The following CFAP54 variants were observed in gnomAD, a reference collection of about 807,000 sequenced individuals.
CFAP54 encodes the protein cilia and flagella associated protein 54.
In CFAP54, 290 loss-of-function variants were observed where a neutral mutation model predicts 370.4. The observed-to-expected ratio is 0.78, with a 90% CI of 0.71 to 0.86. The LOEUF is 0.86. CFAP54 is among the 40% of genes least tolerant of loss of function. The probability of loss-of-function intolerance (pLI) is 0.00; values close to 1 mark genes in which losing one functional copy is unlikely to be tolerated. For missense variants in CFAP54, 3,399 were observed against 3,528.7 expected, an observed-to-expected ratio of 0.96 and a Z score of 0.93; for synonymous variants, 1,206 against 1,236.5, an observed-to-expected ratio of 0.98 and a Z score of 0.52.
At chr12:96,794,857 T>C (rs1334400699) in intron 63 of CFAP54, among the ~76,000 whole-genome samples, 2 of 152,156 alleles carry the variant, frequency 1.3e-5, no homozygotes, top group African/African-American at 4.8e-5. Context: ...TTTCTTCTCA[T>C]TTGGGTAGAC....
chr12:96,618,109 T>G (rs1471228840), intron 26 of CFAP54, among the ~76,000 whole-genome samples: 1 of 151,730 alleles, frequency 6.6e-6, no homozygotes, highest in Non-Finnish European at 1.5e-5. Flanking sequence ...CAGGTTACAC[T>G]CTCTTTCCAG....
intron 20 of CFAP54, among the ~76,000 whole-genome samples, chr12:96,577,299 G>T (rs17376727): frequency 0.085 from 12,901 of 152,202 alleles, 716 homozygotes; most frequent in Middle Eastern, 0.14. Flanking sequence ...TTTATTGGAA[G>T]GTGAGCTTTT....
intron 51 of CFAP54, among the ~76,000 whole-genome samples, chr12:96,741,005 T>C (rs2136640536): frequency 6.6e-6 from 1 of 152,328 alleles, no homozygotes; most frequent in East Asian, 1.9e-4. Flanking sequence ...ATGTGACCTA[T>C]CTTTTCATTA....
chr12:96,628,507 G>A (rs939918956), intron 30 of CFAP54, among the ~76,000 whole-genome samples: 3 of 152,216 alleles, frequency 2.0e-5, no homozygotes, highest in African/African-American at 7.2e-5. Flanking sequence ...GGGAGAGAGA[G>A]AGGAGAGGCT....
At chr12:96,662,731 G>A (rs181438105) in intron 38 of CFAP54, among the ~76,000 whole-genome samples, 13 of 152,164 alleles carry the variant, frequency 8.5e-5, no homozygotes, top group Non-Finnish European at 1.8e-4. Flanking sequence ...ACTGTTGTGT[G>A]AGCTGTTCCT....
intron 40 of CFAP54, among the ~76,000 whole-genome samples, chr12:96,681,840 C>A (rs1271732548): frequency 5.3e-5 from 8 of 152,032 alleles, no homozygotes; most frequent in Non-Finnish European, 1.0e-4. Context: ...CTCAGGTGAT[C>A]CACCCGCCTC....
chr12:96,516,509 A>G (rs1426959402), intron 5 of CFAP54, among the ~76,000 whole-genome samples: 1 of 152,198 alleles, frequency 6.6e-6, no homozygotes, highest in Non-Finnish European at 1.5e-5. Flanking sequence ...TAGGTGAGAA[A>G]CACCTAATTT....
At chr12:96,797,007 A>AT (rs1213987878) in intron 63 of CFAP54, among the ~76,000 whole-genome samples, 1 of 152,056 alleles carries the variant, frequency 6.6e-6, no homozygotes, top group East Asian at 1.9e-4. Context: ...GCATCCCACA[A>AT]TTTTTTTATT....
chr12:96,580,374 G>A (rs1956020997), intron 20 of CFAP54, among the ~76,000 whole-genome samples: 1 of 152,020 alleles, frequency 6.6e-6, no homozygotes, highest in Admixed American at 6.6e-5. Context: ...TCAATTAATG[G>A]TGGTTAAAAT....
intron 63 of CFAP54, among the ~76,000 whole-genome samples, chr12:96,805,582 A>AAC (rs1027563953): frequency 4.0e-5 from 6 of 151,814 alleles, no homozygotes; most frequent in African/African-American, 1.5e-4. Context: ...CAAAAAAAAA[A>AAC]AAACCAGATA....
rs1438691171 is a variant in CFAP54 at position 96,753,657 on chromosome 12, C to G, written c.7685-86C>G. ...CCAAAGTTCTTGATAGATTTCATTA[C>G]TGTGAGAGCAGTCTGGTAACTTGGA... is the stretch of plus-strand genomic sequence containing the variant. On this transcript the variant is annotated intron_variant, in intron 55 of 67. Transcript: ENST00000524981. 18 of 1,291,358 alleles carry G rather than the reference C, an allele frequency of 1.4e-5. No homozygotes were observed. The East Asian group carries it at 3.8e-4, about 27-fold the overall frequency. The allele number at this position is 1,291,358 out of a possible 1,614,324, so 80.0% of individuals were successfully genotyped here.
At chr12:96,500,404 T>A (rs1353695922) in intron 1 of CFAP54, among the ~76,000 whole-genome samples, 1 of 152,172 alleles carries the variant, frequency 6.6e-6, no homozygotes, top group African/African-American at 2.4e-5. Flanking sequence ...TCCAAACTCA[T>A]GGAATGGATG....
rs914087421 is a variant in CFAP54, at chr12:96,829,125, TCA to T, written c.9171+40_9171+41del. 33 of 1,161,550 alleles carry T rather than the reference TCA, an allele frequency of 2.8e-5. No individual in the cohort carries two copies. The African/African-American group carries it at 4.6e-4, about 16-fold the overall frequency. 72.0% of individuals were successfully genotyped at this position (1,161,550 alleles called of 1,614,324 possible). A position where few individuals can be genotyped will look rare whatever the true frequency, so the allele number is the denominator to read the frequency against. ...TCCTTTAAAATTGTATCTAATTCAC[TCA>T]CAAGTATTATTGCTATGAAATGGAA... is the stretch of plus-strand genomic sequence containing the variant. On this transcript the variant is annotated intron_variant, in intron 66 of 67. Coordinates refer to ENST00000524981, the MANE Select transcript of CFAP54 (RefSeq NM_001306084.2).
chr12:96,791,128 G>A (rs1958687753), intron 62 of CFAP54, among the ~76,000 whole-genome samples: 1 of 151,350 alleles, frequency 6.6e-6, no homozygotes, highest in South Asian at 2.1e-4. Context: ...CATGCTACAA[G>A]CTTGGGTATA....
chr12:96,629,989 G>A, intron 30 of CFAP54, 104 bp from the exon 31 acceptor site: 1 of 505,168 alleles, frequency 2.0e-6, no homozygotes, highest in East Asian at 3.0e-5. Flanking sequence ...AGCAGTTTTA[G>A]ATATTCTTGT....
At chr12:96,857,164 G>A (rs995396837) in intron 66 of CFAP54, among the ~76,000 whole-genome samples, 1 of 152,078 alleles carries the variant, frequency 6.6e-6, no homozygotes, top group East Asian at 1.9e-4. Flanking sequence ...ACCTCCCACC[G>A]GGTCCCTCCC....
intron 66 of CFAP54, among the ~76,000 whole-genome samples, chr12:96,848,265 C>T (rs989233362): frequency 6.6e-6 from 1 of 151,938 alleles, no homozygotes; most frequent in Non-Finnish European, 1.5e-5. Flanking sequence ...TTAGTAGAGA[C>T]GGTTTCACCA....
chr12:96,701,416 A>G (rs951512326), intron 46 of CFAP54, among the ~76,000 whole-genome samples: 3 of 152,040 alleles, frequency 2.0e-5, no homozygotes, highest in African/African-American at 7.2e-5. Flanking sequence ...AGGCATGGAG[A>G]TAGAGCAGTA....
At chr12:96,680,677 C>T (rs1024196477) in intron 40 of CFAP54, among the ~76,000 whole-genome samples, 1 of 151,810 alleles carries the variant, frequency 6.6e-6, no homozygotes, top group Non-Finnish European at 1.5e-5. Context: ...ACCCCCCACA[C>T]TTTCTATGAT....
Sources: gnomAD v4.1 joint callset for allele counts (sites outside exome capture counted in the v4.1 genomes callset) on GRCh38, gnomAD v4.1.1 for gene constraint, MANE v1.5 for transcripts, NCBI Gene and HGNC (gene_info 2026-07-23, HGNC 2026-07-21) for gene names.